XYLT1: variants seen among roughly 807,000 people sequenced by gnomAD.
The protein encoded by XYLT1 is beta-D-xylosyltransferase 1.
Under a neutral mutation model 91.3 loss-of-function variants are expected in XYLT1, and 36 were observed. The observed-to-expected ratio is 0.39, with a 90% CI of 0.30 to 0.52. The LOEUF is 0.52. XYLT1 is among the 20% of genes least tolerant of loss of function. The pLI is 0.68. For missense variants in XYLT1, 1,242 were observed against 1,284.5 expected, an observed-to-expected ratio of 0.97 and a Z score of 0.51; for synonymous variants, 588 against 532.0, an observed-to-expected ratio of 1.11 and a Z score of -1.45.
At chr16:17,293,491 C>CTTT (rs548581536) in intron 2 of XYLT1, among the ~76,000 whole-genome samples, 30 of 119,100 alleles carry the variant, frequency 2.5e-4, no homozygotes, top group Non-Finnish European at 3.6e-4. Context: ...TTTCTCCCTC[C>CTTT]TTTTTTTTTT....
intron 1 of XYLT1, among the ~76,000 whole-genome samples, chr16:17,469,674 TGTG>T (rs1484340386): frequency 1.3e-5 from 2 of 152,098 alleles, no homozygotes. Context: ...GCCCTGACGG[TGTG>T]GTCGGACACA....
rs546325664 is a variant in XYLT1, at chr16:17,273,633, CAGGAGTT to C, written c.403-14142_403-14136del. Among the ~76,000 whole-genome samples, 644 of 152,200 alleles carry C rather than the reference CAGGAGTT, an allele frequency of 4.2e-3. 5 individuals carry two copies. Among genetic ancestry groups the C allele is most frequent in the African/African-American group, 0.013 (549 of 41,550 alleles). ...CCGAGGTGGGCAGATCACTGGAGTT[CAGGAGTT>C]CGAGGCCAGCCTGGCTAACATGATG... is the stretch of plus-strand genomic sequence containing the variant. On this transcript the variant is annotated intron_variant, in intron 2 of 11. Transcript: ENST00000261381.
intron 1 of XYLT1, among the ~76,000 whole-genome samples, chr16:17,429,910 A>T (rs1295396586): frequency 6.7e-6 from 1 of 148,736 alleles, no homozygotes; most frequent in Non-Finnish European, 1.5e-5. Context: ...CTCCATAATC[A>T]TGGGAGCCAA....
At chr16:17,240,218 C>A (rs1464806112) in intron 3 of XYLT1, among the ~76,000 whole-genome samples, 1 of 152,114 alleles carries the variant, frequency 6.6e-6, no homozygotes, top group Admixed American at 6.5e-5. Flanking sequence ...TGTGGGGAAG[C>A]CTTCAGCTAC....
chr16:17,459,940 G>A (rs1396635055), intron 1 of XYLT1, among the ~76,000 whole-genome samples: 2 of 152,154 alleles, frequency 1.3e-5, no homozygotes, highest in African/African-American at 2.4e-5. Flanking sequence ...AGACAACCCC[G>A]TCTGAACACT....
chr16:17,118,637 C>A (rs11075339), intron 10 of XYLT1, among the ~76,000 whole-genome samples: 1 of 151,858 alleles, frequency 6.6e-6, no homozygotes, highest in Non-Finnish European at 1.5e-5. Context: ...CAGCTGTGAC[C>A]CACAGCAATC....
chr16:17,145,306 A>C (rs1280577320), intron 6 of XYLT1, among the ~76,000 whole-genome samples: 1 of 152,130 alleles, frequency 6.6e-6, no homozygotes, highest in Non-Finnish European at 1.5e-5. Flanking sequence ...TTGGGTCTGT[A>C]TCCTCACCCT....
chr16:17,371,754 G>C (rs1281851339), intron 1 of XYLT1, among the ~76,000 whole-genome samples: 1 of 152,192 alleles, frequency 6.6e-6, no homozygotes, highest in Admixed American at 6.5e-5. Context: ...GGTAAAATGA[G>C]GTTTATCACA....
intron 3 of XYLT1, among the ~76,000 whole-genome samples, chr16:17,258,705 C>T (rs1045228394): frequency 6.6e-6 from 1 of 152,202 alleles, no homozygotes; most frequent in African/African-American, 2.4e-5. Flanking sequence ...TGGCTCCTGC[C>T]AGCATCACAT....
At chr16:17,405,204 C>A (rs1488785517) in intron 1 of XYLT1, among the ~76,000 whole-genome samples, 2 of 152,206 alleles carry the variant, frequency 1.3e-5, no homozygotes, top group South Asian at 2.1e-4. Context: ...CTGCCCCAGG[C>A]AGCAGCACAA....
Position 17,141,299 on chromosome 16 carries a change from G to C in XYLT1, c.1441C>G (p.Arg481Gly). Residue 481 changes from arginine (R) to glycine (G), a missense_variant, in exon 7 of 12, where the codon CGG (arginine) becomes GGG (glycine). By Grantham distance (125) the Arg-to-Gly change is moderately radical. This residue lies in a region of XYLT1 where 294 missense variants were observed against 376.0 expected (regional missense o/e 0.78). Coordinates refer to ENST00000261381, the MANE Select transcript of XYLT1 (RefSeq NM_022166.4). Reference sequence around the variant, plus strand: ...ACGGCAATGCCCTCTGGGATCCGCCGATCTCCCAGGCGCCACATGTGAGCG... The same window carrying C: ...ACGGCAATGCCCTCTGGGATCCGCCCATCTCCCAGGCGCCACATGTGAGCG... Reference protein sequence around the residue: ...CDAHMWRLGDRRIPEGIAVDG... With the variant: ...CDAHMWRLGDGRIPEGIAVDG... 3 of 1,614,130 alleles carry C rather than the reference G, an allele frequency of 1.9e-6. No individual in the cohort carries two copies. The South Asian group carries it at 3.3e-5, about 18-fold the overall frequency.
chr16:17,110,376 T>C (rs1966837145), intron 11 of XYLT1, among the ~76,000 whole-genome samples: 1 of 152,196 alleles, frequency 6.6e-6, no homozygotes, highest in Admixed American at 6.5e-5. Flanking sequence ...AATTGAATCA[T>C]GATGAGTTTT....
chr16:17,102,826 ATAAC>A lies in XYLT1; in HGVS notation c.*5865_*5868del, dbSNP rs1597120797. 1 of 152,642 alleles carries A rather than the reference ATAAC, an allele frequency of 6.6e-6. No individual in the cohort carries two copies. Among genetic ancestry groups the A allele is most frequent in the Admixed American group, 6.5e-5 (1 of 15,284 alleles). The allele number at this position is 152,642 out of a possible 1,614,324, so 9.5% of individuals were successfully genotyped here. A position where few individuals can be genotyped will look rare whatever the true frequency, so the allele number is the denominator to read the frequency against. The stretch of plus-strand genomic sequence containing the variant: ...TACAGTTTTATGCATATTATGATCT[ATAAC>A]AAAATAGTTATTTTTAAAAACTATA... On this transcript the variant is annotated 3_prime_UTR_variant, in exon 12 of 12. Transcript: ENST00000261381.
At chr16:17,459,298 C>G (rs760930478) in intron 1 of XYLT1, among the ~76,000 whole-genome samples, 1 of 152,114 alleles carries the variant, frequency 6.6e-6, no homozygotes, top group Non-Finnish European at 1.5e-5. Flanking sequence ...CTTGAGCCTG[C>G]GAGGTCAAGG....
chr16:17,210,606 C>T (rs2032739496), intron 3 of XYLT1, among the ~76,000 whole-genome samples: 1 of 151,812 alleles, frequency 6.6e-6, no homozygotes, highest in Non-Finnish European at 1.5e-5. Context: ...GAGATAAGGT[C>T]TCCCTATGTT....
chr16:17,464,423 C>G (rs544973812), intron 1 of XYLT1, among the ~76,000 whole-genome samples: 3 of 145,002 alleles, frequency 2.1e-5, no homozygotes, highest in Non-Finnish European at 4.5e-5. Flanking sequence ...ACCTGAGAGG[C>G]GGAGGTAGCA....
chr16:17,271,345 A>AAGACACAGAGAGAGAG (rs1167042086), intron 2 of XYLT1, among the ~76,000 whole-genome samples: 1 of 151,740 alleles, frequency 6.6e-6, no homozygotes, highest in Non-Finnish European at 1.5e-5. Flanking sequence ...CACACAGAGA[A>AAGACACAGAGAGAGAG]AGACACAGAG....
chr16:17,204,393 G>A (rs1335325667), intron 3 of XYLT1, among the ~76,000 whole-genome samples: 1 of 149,854 alleles, frequency 6.7e-6, no homozygotes, highest in African/African-American at 2.4e-5. Context: ...TCATCTTTGG[G>A]TCAGACAGTT....
intron 3 of XYLT1, among the ~76,000 whole-genome samples, chr16:17,215,167 C>T (rs2032832124): frequency 1.3e-5 from 2 of 152,054 alleles, no homozygotes; most frequent in South Asian, 4.2e-4. Context: ...ACCAGCCTGG[C>T]CAATATGGTA....
Sources: gnomAD v4.1 joint callset for allele counts (sites outside exome capture counted in the v4.1 genomes callset) on GRCh38, gnomAD v4.1.1 for gene constraint, gnomAD v4.1.1 regional missense constraint, MANE v1.5 for transcripts, NCBI Gene and HGNC (gene_info 2026-07-23, HGNC 2026-07-21) for gene names.